CCDC33: variants seen among roughly 807,000 people sequenced by gnomAD.
The protein encoded by CCDC33 is coiled-coil domain-containing protein 33.
CCDC33 carries 94 observed loss-of-function variants against 91.9 expected under a neutral mutation model. The ratio of observed to expected loss-of-function variants is 1.02; its 90% CI spans 0.87 to 1.21. The LOEUF (loss-of-function observed/expected upper bound fraction) is 1.21, where lower values mean the gene tolerates loss of function less well. CCDC33 is among the 50% of genes most tolerant of loss of function. CCDC33 has a pLI of 0.00. For missense variants in CCDC33, 940 were observed against 935.5 expected, an observed-to-expected ratio of 1.00 and a Z score of -0.06; for synonymous variants, 396 against 374.5, an observed-to-expected ratio of 1.06 and a Z score of -0.66.
chr15:74,274,667 A>G (rs2076405157), intron 7 of CCDC33, among the ~76,000 whole-genome samples: 1 of 152,222 alleles, frequency 6.6e-6, no homozygotes, highest in South Asian at 2.1e-4. Flanking sequence ...CAGAAAATTA[A>G]GAACCAATCA....
intron 3 of CCDC33, among the ~76,000 whole-genome samples, chr15:74,263,079 A>C (rs1056747291): frequency 4.6e-5 from 7 of 152,210 alleles, no homozygotes; most frequent in African/African-American, 1.7e-4. Flanking sequence ...TTTTTTAAAA[A>C]ATATTTGAAA....
chr15:74,280,600 T>G, intron 8 of CCDC33, 68 bp from the exon 9 acceptor site: 1 of 1,414,698 alleles, frequency 7.1e-7, no homozygotes, highest in Non-Finnish European at 9.3e-7. Flanking sequence ...GGACTGGATG[T>G]CAGGTATTAA....
chr15:74,294,725 C>G (rs948707571), intron 10 of CCDC33, among the ~76,000 whole-genome samples: 2 of 129,998 alleles, frequency 1.5e-5, no homozygotes, highest in African/African-American at 5.6e-5. Flanking sequence ...CCAGCCCGGG[C>G]AAGAGAGCAA....
At position 74,321,560 on chromosome 15, in the gene CCDC33, C is replaced by T. The variant is rs371288811; in HGVS notation, c.1291-8629C>T. Among the ~76,000 whole-genome samples the T allele has an allele frequency of 1.7e-4, 26 of 152,172 alleles. No individual in the cohort carries two copies. The South Asian group carries it at 3.5e-3, about 21-fold the overall frequency. On this transcript the variant is annotated intron_variant, in intron 11 of 18. Transcript: ENST00000398814. ...GATTACAGGCATGAGCCACTGTGCCCGGTGTACTTTTTGTATTTTTAGTAG... is the reference window on the plus strand; with the variant it reads ...GATTACAGGCATGAGCCACTGTGCCTGGTGTACTTTTTGTATTTTTAGTAG...
intron 3 of CCDC33, among the ~76,000 whole-genome samples, chr15:74,262,975 G>A (rs1311013388): frequency 6.6e-6 from 1 of 152,164 alleles, no homozygotes; most frequent in Non-Finnish European, 1.5e-5. Context: ...CGAGGTTCAG[G>A]GAATTTAACT....
chr15:74,322,450 T>C (rs1202007454), intron 11 of CCDC33, among the ~76,000 whole-genome samples: 1 of 152,188 alleles, frequency 6.6e-6, no homozygotes, highest in Non-Finnish European at 1.5e-5. Context: ...CAAGCCCCTG[T>C]CCTCACCACT....
chr15:74,330,992 A>C lies in CCDC33; in HGVS notation c.1557A>C (p.Arg519=). 3.1e-6 allele frequency: 5 copies of C among 1,590,764 alleles called. No individual in the cohort carries two copies. The highest frequency in any genetic ancestry group is 4.3e-6 in the Non-Finnish European group (5 of 1,168,318). ...CCCCCATCTCACAGAAGAATGATCG[A>C]GAGAAGGAGCTGCTCCTTCTGTATC... The part of the protein sequence containing the change: ...LQNELIRKND[R]EKELLLLYQA... The change falls in exon 14 of 19, where the codon CGA becomes CGC. Residue 519 remains arginine (R), a synonymous_variant. Coordinates refer to ENST00000398814, the MANE Select transcript of CCDC33 (RefSeq NM_025055.5).
Position 74,218,751 on chromosome 15 carries a change from GC to G in CCDC33, c.567del (p.Phe190SerfsTer23). 1 of 1,289,720 alleles carries G rather than the reference GC, an allele frequency of 7.8e-7. No homozygotes were observed. The highest frequency in any genetic ancestry group is 1.0e-6 in the Non-Finnish European group (1 of 988,818). The allele number at this position is 1,289,720 out of a possible 1,614,324, so 79.9% of individuals were successfully genotyped here. A position where few individuals can be genotyped will look rare whatever the true frequency, so the allele number is the denominator to read the frequency against. ...CTGTGGGAGCCTGGCCTACAGTGTGGCCTTCCACGTCCACCGGGGCCCTCAG... is the reference window on the plus strand; with the variant it reads ...CTGTGGGAGCCTGGCCTACAGTGTGGCTTCCACGTCCACCGGGGCCCTCAG... On this transcript the variant is annotated frameshift_variant, in exon 2 of 3. Transcript: ENST00000635913. LOFTEE classifies it high-confidence loss of function. This position sits in a 1 kb window ranked among gnomAD's most constrained non-coding sequence, Gnocchi z 4.8.
chr15:74,272,969 C>T, intron 7 of CCDC33, 78 bp downstream of exon 7: 1 of 1,539,946 alleles, frequency 6.5e-7, no homozygotes, highest in Non-Finnish European at 8.9e-7. Flanking sequence ...GTGAGTCAGT[C>T]AGCAGTTCCC....
upstream of CCDC33, among the ~76,000 whole-genome samples, chr15:74,231,378 G>A (rs142122780): frequency 7.2e-4 from 110 of 152,322 alleles, 1 homozygote; most frequent in East Asian, 4.1e-3. Context: ...TATGGGGGCC[G>A]GCCAGCCATG....
chr15:74,219,440 G>T (rs1203101493), intron 2 of CCDC33, among the ~76,000 whole-genome samples: 1 of 152,208 alleles, frequency 6.6e-6, no homozygotes, highest in Non-Finnish European at 1.5e-5. Context: ...CAGGCCCAAG[G>T]TATGCTTGAT....
rs780725582 is a variant in CCDC33 at position 74,272,745 on chromosome 15, CT to C, written c.639-25del. On this transcript the variant is annotated intron_variant, in intron 6 of 18. Coordinates refer to ENST00000398814, the MANE Select transcript of CCDC33 (RefSeq NM_025055.5). ...AGGCTCAGGTGCAGAGCCCAGAGCACTGACCCTGTCTCCCTGCCTCCCCAGG... is the reference window on the plus strand; with the variant it reads ...AGGCTCAGGTGCAGAGCCCAGAGCACGACCCTGTCTCCCTGCCTCCCCAGG... 3.1e-6 allele frequency: 5 copies of C among 1,612,376 alleles called. No homozygotes were observed. The East Asian group carries it at 1.1e-4, about 36-fold the overall frequency.
rs78078271 is a variant in CCDC33 at position 74,335,706 on chromosome 15, A to C, written c.2140-219A>C. The C allele has an allele frequency of 2.8e-3, 1,404 of 504,572 alleles. 13 individuals carry two copies. Among genetic ancestry groups the C allele is most frequent in the African/African-American group, 0.023 (1,196 of 52,172 alleles). 31.3% of individuals were successfully genotyped at this position (504,572 alleles called of 1,614,324 possible). On this transcript the variant is annotated intron_variant, in intron 18 of 18. Coordinates refer to ENST00000398814, the MANE Select transcript of CCDC33 (RefSeq NM_025055.5). ...CCTGGAAAGGATGAGGGAACAGGCA[A>C]GGAACAAAGGCAACCTTTGCACACT... is the stretch of plus-strand genomic sequence containing the variant.
intron 2 of CCDC33, among the ~76,000 whole-genome samples, chr15:74,210,096 C>T (rs1406671620): frequency 6.6e-6 from 1 of 152,158 alleles, no homozygotes; most frequent in African/African-American, 2.4e-5. Context: ...AGCAGCCAGC[C>T]AGCTTGGATC....
chr15:74,257,339 G>T (rs1163542144), intron 2 of CCDC33, among the ~76,000 whole-genome samples: 1 of 152,220 alleles, frequency 6.6e-6, no homozygotes, highest in African/African-American at 2.4e-5. Context: ...AGCACAGACT[G>T]GGGGCCTTGT....
In CCDC33 at chr15:74,280,780, C is replaced by T. The variant is rs373001521; in HGVS notation, c.1002C>T (p.His334=). The change falls in exon 9 of 19, where the codon CAC becomes CAT. Residue 334 remains histidine (H), a synonymous_variant. Coordinates refer to ENST00000398814, the MANE Select transcript of CCDC33 (RefSeq NM_025055.5). ...MLTGKGLDGL[H]VERLPIMDTS... ...CAGGGAAAGGCTTGGACGGGCTTCACGTGGAGCGGCTCCCCATCATGGTGA... is the reference window on the plus strand; with the variant it reads ...CAGGGAAAGGCTTGGACGGGCTTCATGTGGAGCGGCTCCCCATCATGGTGA... 18 of 1,550,716 alleles carry T rather than the reference C, an allele frequency of 1.2e-5. No homozygotes were observed. The highest frequency in any genetic ancestry group is 4.2e-5 in the African/African-American group (3 of 71,762).
rs2075438061 is a variant in CCDC33 at position 74,244,050 on chromosome 15, G to A, written c.87G>A (p.Leu29=). 3.2e-6 allele frequency: 5 copies of A among 1,575,110 alleles called. No homozygotes were observed. The highest frequency in any genetic ancestry group is 4.3e-6 in the Non-Finnish European group (5 of 1,155,928). The stretch of plus-strand genomic sequence containing the variant: ...GCACGGAACCTGAGATCGGTCACCT[G>A]TCTCCCTCTAAGAAGGAGACCATCA... ...SQSTEPEIGH[L]SPSKKETIMV... The change falls in exon 2 of 19, where the codon CTG becomes CTA. Residue 29 remains leucine (L), a synonymous_variant. Transcript: ENST00000398814. This position sits in a 1 kb window ranked among gnomAD's most constrained non-coding sequence, Gnocchi z 4.2.
At chr15:74,249,652 C>T (rs114591090) in intron 2 of CCDC33, among the ~76,000 whole-genome samples, 241 of 152,140 alleles carry the variant, frequency 1.6e-3, no homozygotes, top group African/African-American at 5.6e-3. Context: ...ACTGTGACCC[C>T]GCAGTATTCA....
intron 11 of CCDC33, among the ~76,000 whole-genome samples, chr15:74,320,755 C>T (rs1490733451): frequency 6.6e-6 from 1 of 152,160 alleles, no homozygotes; most frequent in East Asian, 1.9e-4. Flanking sequence ...GTCTCAGGAG[C>T]GCAGCCTCTC....
Sources: gnomAD v4.1 joint callset for allele counts (sites outside exome capture counted in the v4.1 genomes callset) on GRCh38, gnomAD v4.1.1 for gene constraint, Gnocchi (gnomAD v3.1) non-coding constraint, MANE v1.5 for transcripts, NCBI Gene and HGNC (gene_info 2026-07-23, HGNC 2026-07-21) for gene names.